ROBO2: variants seen among roughly 807,000 people sequenced by gnomAD.
ROBO2 encodes roundabout homolog 2.
Under a neutral mutation model 160.8 loss-of-function variants are expected in ROBO2, and 53 were observed. The ratio of observed to expected loss-of-function variants is 0.33; its 90% CI spans 0.26 to 0.41. The LOEUF (loss-of-function observed/expected upper bound fraction) is 0.41. Ranked by LOEUF, ROBO2 falls within the 10% of genes least tolerant of loss-of-function variation. The pLI, the probability that ROBO2 is intolerant of heterozygous loss-of-function variation, is 1.00. For missense variants in ROBO2, 1,577 were observed against 1,722.4 expected, an observed-to-expected ratio of 0.92 and a Z score of 1.49; for synonymous variants, 664 against 611.7, an observed-to-expected ratio of 1.09 and a Z score of -1.26.
chr3:77,119,089 T>A (rs117567808), intron 2 of ROBO2, among the ~76,000 whole-genome samples: 5,146 of 152,162 alleles, frequency 0.034, 118 homozygotes, highest in South Asian at 0.088. Context: ...TTTAAAAGTG[T>A]TTAGCACTTC....
chr3:77,474,295 A>G lies in ROBO2; in HGVS notation c.389-3119A>G, dbSNP rs186278839. Among the ~76,000 whole-genome samples, 400 of 152,072 alleles carry G rather than the reference A, an allele frequency of 2.6e-3. 2 individuals carry two copies. The highest frequency in any genetic ancestry group is 4.6e-3 in the Non-Finnish European group (313 of 67,968). ...TATACCATAGCGGTGTTAGGCAATTACTCTGTGATTCTCCTCAGGGTACGC... is the reference window on the plus strand; with the variant it reads ...TATACCATAGCGGTGTTAGGCAATTGCTCTGTGATTCTCCTCAGGGTACGC... On this transcript the variant is annotated intron_variant, in intron 2 of 25. Transcript: ENST00000461745.
At chr3:76,733,348 A>G (rs2093664524) in intron 2 of ROBO2, among the ~76,000 whole-genome samples, 1 of 152,232 alleles carries the variant, frequency 6.6e-6, no homozygotes, top group Admixed American at 6.5e-5. Context: ...TATTCCTGTG[A>G]AACCCTAGAA....
At chr3:76,327,220 T>A (rs183106180) in intron 2 of ROBO2, among the ~76,000 whole-genome samples, 26 of 152,250 alleles carry the variant, frequency 1.7e-4, no homozygotes, top group African/African-American at 6.3e-4. Flanking sequence ...TAGAAAAGTA[T>A]CTATTTTCTC....
At chr3:76,539,369 A>G (rs2082693998) in intron 2 of ROBO2, among the ~76,000 whole-genome samples, 1 of 152,170 alleles carries the variant, frequency 6.6e-6, no homozygotes, top group African/African-American at 2.4e-5. Context: ...AATTAAAAAA[A>G]AAAAAAAGAA....
chr3:76,185,119 A>G (rs1701682397), intron 2 of ROBO2, among the ~76,000 whole-genome samples: 1 of 148,354 alleles, frequency 6.7e-6, no homozygotes, highest in East Asian at 2.0e-4. Flanking sequence ...AGAAAATAGT[A>G]ACAAAATTGT....
chr3:76,913,691 C>T (rs1042987932), intron 2 of ROBO2, among the ~76,000 whole-genome samples: 10 of 152,124 alleles, frequency 6.6e-5, no homozygotes, highest in African/African-American at 9.7e-5. Flanking sequence ...ACAATTCAGC[C>T]ACTTTTGGGC....
intron 2 of ROBO2, among the ~76,000 whole-genome samples, chr3:76,554,666 C>T (rs1014487830): frequency 6.6e-6 from 1 of 151,890 alleles, no homozygotes; most frequent in East Asian, 1.9e-4. Flanking sequence ...CTAGTATTCA[C>T]CTGAAATAGG....
At chr3:76,851,715 G>C (rs369211622) in intron 2 of ROBO2, among the ~76,000 whole-genome samples, 13,442 of 129,180 alleles carry the variant, frequency 0.1, 829 homozygotes, top group East Asian at 0.24. Context: ...GCAGTCCGAG[G>C]TGGGCGACAG....
At chr3:76,567,584 T>G (rs1652214190) in intron 2 of ROBO2, among the ~76,000 whole-genome samples, 1 of 130,690 alleles carries the variant, frequency 7.7e-6, no homozygotes, top group African/African-American at 2.8e-5. Flanking sequence ...AAGAAAATGT[T>G]CACATTAGGC....
At chr3:77,146,137 TTGTCGTCTTC>T (rs2077100282) in intron 2 of ROBO2, among the ~76,000 whole-genome samples, 1 of 152,208 alleles carries the variant, frequency 6.6e-6, no homozygotes, top group Admixed American at 6.5e-5. Flanking sequence ...TTGTCTGGGC[TTGTCGTCTTC>T]TGTCAGTAGT....
intron 2 of ROBO2, among the ~76,000 whole-genome samples, chr3:76,243,769 A>G (rs1367437847): frequency 6.6e-6 from 1 of 152,150 alleles, no homozygotes; most frequent in African/African-American, 2.4e-5. Context: ...TTCTTGGGGT[A>G]ATTTATGCAG....
At chr3:76,122,912 T>C (rs149122177) in intron 2 of ROBO2, among the ~76,000 whole-genome samples, 57 of 152,236 alleles carry the variant, frequency 3.7e-4, no homozygotes, top group African/African-American at 1.3e-3. Context: ...CACATCCGGC[T>C]AACTTTTTGT....
intron 2 of ROBO2, among the ~76,000 whole-genome samples, chr3:77,127,068 T>C (rs1480303638): frequency 2.0e-5 from 3 of 151,884 alleles, no homozygotes; most frequent in South Asian, 2.1e-4. Context: ...GGATTACAGG[T>C]GTGAGCCACC....
chr3:76,904,953 T>G (rs2075491583), intron 2 of ROBO2, among the ~76,000 whole-genome samples: 1 of 152,138 alleles, frequency 6.6e-6, no homozygotes, highest in Non-Finnish European at 1.5e-5. Flanking sequence ...TATGAAAGTA[T>G]TATCCTATAA....
intron 2 of ROBO2, among the ~76,000 whole-genome samples, chr3:76,064,340 A>T (rs1318159110): frequency 1.3e-5 from 2 of 152,160 alleles, no homozygotes; most frequent in Non-Finnish European, 2.9e-5. Context: ...TATTTTGCTG[A>T]GGAAGCTCGG....
chr3:76,803,670 T>A (rs981397116), intron 2 of ROBO2, among the ~76,000 whole-genome samples: 4 of 152,232 alleles, frequency 2.6e-5, no homozygotes, highest in African/African-American at 9.6e-5. Flanking sequence ...ATTTTTTGCG[T>A]GTTTTCAAAT....
intron 2 of ROBO2, among the ~76,000 whole-genome samples, chr3:75,994,564 T>G (rs1431933559): frequency 6.6e-6 from 1 of 152,226 alleles, no homozygotes; most frequent in Admixed American, 6.5e-5. Context: ...TCCACCATGA[T>G]TGTAAGTTTC....
At chr3:76,999,212 A>C in intron 2 of ROBO2, among the ~76,000 whole-genome samples, 1 of 151,968 alleles carries the variant, frequency 6.6e-6, no homozygotes, top group East Asian at 1.9e-4. Context: ...ATAAGTAAAT[A>C]GATTGTGGAA....
intron 2 of ROBO2, among the ~76,000 whole-genome samples, chr3:77,248,423 A>G (rs1305995936): frequency 6.6e-6 from 1 of 151,392 alleles, no homozygotes; most frequent in Non-Finnish European, 1.5e-5. Context: ...AACACTGAAA[A>G]ACTGTCACAC....
Sources: gnomAD v4.1 joint callset for allele counts (sites outside exome capture counted in the v4.1 genomes callset) on GRCh38, gnomAD v4.1.1 for gene constraint, MANE v1.5 for transcripts, NCBI Gene and HGNC (gene_info 2026-07-23, HGNC 2026-07-21) for gene names.